SSU72: variants seen among roughly 807,000 people sequenced by gnomAD.
The protein encoded by SSU72 is SSU72 homolog, RNA polymerase II CTD phosphatase.
A neutral mutation model predicts 22.7 loss-of-function variants in SSU72; 12 were observed. That is an observed-to-expected ratio of 0.53 (90% confidence interval 0.34 to 0.86). The LOEUF is 0.86. SSU72 is among the 40% of genes least tolerant of loss of function. The pLI is 0.02. For missense variants in SSU72, 151 were observed against 249.8 expected, an observed-to-expected ratio of 0.60 and a Z score of 2.67; for synonymous variants, 116 against 98.3, an observed-to-expected ratio of 1.18 and a Z score of -1.06.
At chr1:1,553,009 A>G (rs551646172) in intron 2 of SSU72, among the ~76,000 whole-genome samples, 1 of 141,124 alleles carries the variant, frequency 7.1e-6, no homozygotes, top group South Asian at 2.5e-4. Flanking sequence ...CGACAGAATG[A>G]GACTGTCTCA....
intron 3 of SSU72, chr1:1,544,641 A>C: frequency 1.7e-6 from 1 of 605,056 alleles, no homozygotes; most frequent in East Asian, 2.8e-5. Flanking sequence ...AAAAACACCA[A>C]GGAGAAAAGA....
intron 2 of SSU72, among the ~76,000 whole-genome samples, chr1:1,556,337 G>A (rs1441615685): frequency 6.6e-6 from 1 of 152,164 alleles, no homozygotes; most frequent in Non-Finnish European, 1.5e-5. Flanking sequence ...GGAAGCTGAG[G>A]CAGGAGAATC....
intron 1 of SSU72, among the ~76,000 whole-genome samples, chr1:1,571,800 T>TC (rs1488028475): frequency 1.3e-5 from 2 of 151,526 alleles, no homozygotes; most frequent in Non-Finnish European, 2.9e-5. Flanking sequence ...AATAATTTTT[T>TC]TTTTTGAGAC....
Position 1,542,460 on chromosome 1 carries a change from G to T in SSU72, c.484-293C>A, listed in dbSNP as rs1295378482. 6.6e-6 allele frequency among the ~76,000 whole-genome samples: 1 copy of T among 152,148 alleles called. No homozygotes were observed. The highest frequency in any genetic ancestry group is 1.9e-4 in the East Asian group (1 of 5,182). ...CCAGCACGGAGACCTGGCGGCCAGG[G>T]CTCAGACCCACACATGCACAGCGGG... On this transcript the variant is annotated intron_variant, in intron 4 of 4. Transcript: ENST00000291386. The surrounding 1 kb of genome is among the most constrained non-coding windows in gnomAD (Gnocchi z 4.4).
In SSU72 at chr1:1,574,667, C is replaced by T. The variant is rs947538292; in HGVS notation, c.-110G>A. On this transcript the variant is annotated 5_prime_UTR_variant, in exon 1 of 5. Coordinates refer to ENST00000291386, the MANE Select transcript of SSU72 (RefSeq NM_014188.3). The stretch of plus-strand genomic sequence containing the variant: ...GTGGCCGGAAGCGGGCGACGCGAAA[C>T]GACGGCGCCGGCGGTGTAGCGTGCG... 3 of 1,138,682 alleles carry T rather than the reference C, an allele frequency of 2.6e-6. No homozygotes were observed. Among genetic ancestry groups the T allele is most frequent in the Non-Finnish European group, 3.6e-6 (3 of 831,682 alleles). 70.5% of individuals were successfully genotyped at this position (1,138,682 alleles called of 1,614,324 possible). A position where few individuals can be genotyped will look rare whatever the true frequency, so the allele number is the denominator to read the frequency against.
At chr1:1,574,201 C>T (rs1009744886) in intron 1 of SSU72, among the ~76,000 whole-genome samples, 2 of 152,178 alleles carry the variant, frequency 1.3e-5, no homozygotes, top group African/African-American at 2.4e-5. Context: ...AGCCCCTCGC[C>T]GCGGACGCTA....
chr1:1,548,112 C>T (rs1354147429), intron 2 of SSU72, among the ~76,000 whole-genome samples: 1 of 152,190 alleles, frequency 6.6e-6, no homozygotes, highest in Non-Finnish European at 1.5e-5. Context: ...TCCATAGAAT[C>T]GACTGCCCCC....
intron 2 of SSU72, among the ~76,000 whole-genome samples, chr1:1,558,034 T>C (rs1328102375): frequency 6.6e-6 from 1 of 151,798 alleles, no homozygotes; most frequent in Admixed American, 6.6e-5. Flanking sequence ...AAACCCCATC[T>C]CTACTAAAAG....
intron 2 of SSU72, chr1:1,564,519 C>T (rs540722338): frequency 1.3e-6 from 2 of 1,529,094 alleles, no homozygotes; most frequent in Middle Eastern, 2.3e-4. Context: ...ATGTCACGAC[C>T]CTCTGCTGAA....
chr1:1,546,751 G>A (rs576854266), intron 2 of SSU72, among the ~76,000 whole-genome samples: 108 of 151,518 alleles, frequency 7.1e-4, no homozygotes, highest in African/African-American at 2.5e-3. Context: ...GCTGAGGCAC[G>A]AGAGTTGCTT....
intron 2 of SSU72, among the ~76,000 whole-genome samples, chr1:1,560,530 T>G (rs1642576157): frequency 1.3e-5 from 2 of 152,176 alleles, no homozygotes; most frequent in Non-Finnish European, 2.9e-5. Context: ...AGCAAGTCCC[T>G]CAACCCCTCA....
Position 1,574,809 on chromosome 1 carries a change from G to A in SSU72, c.-252C>T, listed in dbSNP as rs1195602927. On this transcript the variant is annotated 5_prime_UTR_variant, in exon 1 of 5. Coordinates refer to ENST00000291386, the MANE Select transcript of SSU72 (RefSeq NM_014188.3). The stretch of plus-strand genomic sequence containing the variant: ...GCCGGGGGCGGCCAACGCCGCGCCG[G>A]CCCCCGGCGTCCGCAGCAGAGACCC... 4.9e-5 allele frequency: 11 copies of A among 226,554 alleles called. No individual in the cohort carries two copies. The highest frequency in any genetic ancestry group is 9.2e-5 in the South Asian group (2 of 21,648). 14.0% of individuals were successfully genotyped at this position (226,554 alleles called of 1,614,324 possible).
rs755860519 is a variant in SSU72, at chr1:1,544,771, CG to C, written c.364+91del. On this transcript the variant is annotated intron_variant, in intron 3 of 4. Coordinates refer to ENST00000291386, the MANE Select transcript of SSU72 (RefSeq NM_014188.3). ...GCTCCCCGGCCCCCGCCACTCTAGA[CG>C]GGCTGTACTGGTCATGGTGGGGCCC... is the stretch of plus-strand genomic sequence containing the variant. 7 of 1,580,244 alleles carry C rather than the reference CG, an allele frequency of 4.4e-6. No individual in the cohort carries two copies. The Admixed American group carries it at 5.0e-5, about 11-fold the overall frequency.
intron 2 of SSU72, chr1:1,545,243 A>G (rs1400791597): frequency 3.9e-6 from 2 of 512,176 alleles, no homozygotes; most frequent in South Asian, 2.4e-5. Context: ...CAACTCGGCA[A>G]AAAGACCCAA....
At position 1,564,359 on chromosome 1, in the gene SSU72, G is replaced by A. The variant is rs1396272301; in HGVS notation, c.224+414C>T. On this transcript the variant is annotated intron_variant, in intron 2 of 4. Transcript: ENST00000291386. The stretch of plus-strand genomic sequence containing the variant: ...CTTCTAACGACCTCACCAGATGTGT[G>A]AAGCAGCCCGGCTCCATGTGTATCA... 8 of 1,054,182 alleles carry A rather than the reference G, an allele frequency of 7.6e-6. No homozygotes were observed. In the African/African-American group the frequency reaches 1.1e-4, roughly 15 times the overall value. The allele number at this position is 1,054,182 out of a possible 1,614,324, so 65.3% of individuals were successfully genotyped here. A position where few individuals can be genotyped will look rare whatever the true frequency, so the allele number is the denominator to read the frequency against.
At chr1:1,572,650 G>A (rs960361171) in intron 1 of SSU72, among the ~76,000 whole-genome samples, 48 of 150,728 alleles carry the variant, frequency 3.2e-4, no homozygotes, top group African/African-American at 1.0e-3. Context: ...GTAGAGACGG[G>A]GTTTCATCGT....
chr1:1,555,832 T>C (rs1642514184), intron 2 of SSU72, among the ~76,000 whole-genome samples: 1 of 151,750 alleles, frequency 6.6e-6, no homozygotes, highest in Non-Finnish European at 1.5e-5. Flanking sequence ...ACCTCATTTC[T>C]ACTAAAAATA....
chr1:1,553,013 T>G (rs1480641441), intron 2 of SSU72, among the ~76,000 whole-genome samples: 4 of 126,560 alleles, frequency 3.2e-5, no homozygotes, highest in African/African-American at 1.3e-4. Context: ...AGAATGAGAC[T>G]GTCTCAAAAA....
intron 4 of SSU72, among the ~76,000 whole-genome samples, chr1:1,543,546 G>A (rs1424435188): frequency 2.0e-5 from 3 of 152,076 alleles, no homozygotes; most frequent in East Asian, 3.9e-4. Flanking sequence ...ACACAGGCGA[G>A]CTGAGCAGAC....
Sources: gnomAD v4.1 joint callset for allele counts (sites outside exome capture counted in the v4.1 genomes callset) on GRCh38, gnomAD v4.1.1 for gene constraint, Gnocchi (gnomAD v3.1) non-coding constraint, MANE v1.5 for transcripts, NCBI Gene and HGNC (gene_info 2026-07-23, HGNC 2026-07-21) for gene names.